KDM4C: variants seen among roughly 807,000 people sequenced by gnomAD.
The protein encoded by KDM4C is lysine demethylase 4C.
Under a neutral mutation model 129.3 loss-of-function variants are expected in KDM4C, and 81 were observed. The observed-to-expected ratio is 0.63, with a 90% CI of 0.52 to 0.75. The LOEUF is 0.75. Ranked by LOEUF, KDM4C falls within the 30% of genes least tolerant of loss-of-function variation. The probability of loss-of-function intolerance (pLI) is 0.00; values close to 1 mark genes in which losing one functional copy is unlikely to be tolerated. For missense variants in KDM4C, 1,457 were observed against 1,304.0 expected, an observed-to-expected ratio of 1.12 and a Z score of -1.81; for synonymous variants, 573 against 456.1, an observed-to-expected ratio of 1.26 and a Z score of -3.26.
chr9:7,091,881 T>G (rs1835845541), intron 17 of KDM4C, among the ~76,000 whole-genome samples: 1 of 152,218 alleles, frequency 6.6e-6, no homozygotes, highest in Admixed American at 6.5e-5. Context: ...GAAGAGTTGG[T>G]GATGCTTGTC....
intron 8 of KDM4C, among the ~76,000 whole-genome samples, chr9:6,944,519 G>C (rs1004365394): frequency 6.6e-6 from 1 of 152,120 alleles, no homozygotes; most frequent in Non-Finnish European, 1.5e-5. Flanking sequence ...GAAAACTGCT[G>C]TGTATTTTGG....
chr9:7,103,796 G>T lies in KDM4C; in HGVS notation c.2536G>T (p.Val846Leu), dbSNP rs754390647. The change falls in exon 18 of 22, where the codon GTA becomes TTA. Residue 846 changes from valine to leucine, a missense_variant. Physicochemically the swap from Val to Leu is conservative, Grantham distance 32. Transcript: ENST00000381309. ...FHVTCAHAAGVLMEPDDWPYV... is the reference protein window; with the variant it reads ...FHVTCAHAAGLLMEPDDWPYV... ...TGTCACTTGTGCCCATGCTGCTGGG[G>T]TACTGATGGAGCCTGATGACTGGCC... 6.2e-7 allele frequency: 1 copy of T among 1,613,980 alleles called. No homozygotes were observed. Among genetic ancestry groups the T allele is most frequent in the Non-Finnish European group, 8.5e-7 (1 of 1,179,920 alleles).
At position 6,950,077 on chromosome 9, in the gene KDM4C, G is replaced by GTTT. The variant is rs34684815; in HGVS notation, c.922-30839_922-30837dup. Among the ~76,000 whole-genome samples the GTTT allele has an allele frequency of 1.5e-3, 193 of 131,268 alleles. 4 individuals carry two copies. Among genetic ancestry groups the GTTT allele is most frequent in the African/African-American group, 5.1e-3 (177 of 35,038 alleles). 86.1% of individuals were successfully genotyped at this position (131,268 alleles called of 152,430 possible). On this transcript the variant is annotated intron_variant, in intron 8 of 21. Transcript: ENST00000381309. The stretch of plus-strand genomic sequence containing the variant: ...TTTTTTTGGTGGAGTATCTTTTCTT[G>GTTT]TTTTTTTTTTTCCTCAAGCTTTATT...
At chr9:6,830,232 A>G (rs1834587016) in intron 4 of KDM4C, among the ~76,000 whole-genome samples, 1 of 152,242 alleles carries the variant, frequency 6.6e-6, no homozygotes, top group South Asian at 2.1e-4. Flanking sequence ...AACCAGGATA[A>G]CCGTGTATAG....
At chr9:7,159,375 T>G (rs888594364) in intron 19 of KDM4C, among the ~76,000 whole-genome samples, 1 of 152,230 alleles carries the variant, frequency 6.6e-6, no homozygotes, top group African/African-American at 2.4e-5. Flanking sequence ...CCTGTCATTA[T>G]GTTGTTAGCT....
rs189953536 is a variant in KDM4C, at chr9:6,929,901, C to T, written c.921+36669C>T. The stretch of plus-strand genomic sequence containing the variant: ...TTCTACAACCCTCTGCCAATTCTTT[C>T]TTTTATGGCTCATAAGAAGTCTCAT... On this transcript the variant is annotated intron_variant, in intron 8 of 21. Transcript: ENST00000381309. Among the ~76,000 whole-genome samples the T allele has an allele frequency of 2.8e-3, 421 of 152,230 alleles. 6 individuals carry two copies. Among genetic ancestry groups the T allele is most frequent in the African/African-American group, 9.9e-3 (413 of 41,518 alleles).
chr9:6,897,996 C>T (rs753543200), intron 8 of KDM4C, among the ~76,000 whole-genome samples: 180 of 152,216 alleles, frequency 1.2e-3, no homozygotes, highest in Middle Eastern at 0.01. Context: ...CAGCTGCTGC[C>T]GTGACACTCA....
At chr9:7,042,806 A>G (rs1828813839) in intron 15 of KDM4C, among the ~76,000 whole-genome samples, 1 of 152,052 alleles carries the variant, frequency 6.6e-6, no homozygotes, top group Non-Finnish European at 1.5e-5. Context: ...TTAGGCAGAC[A>G]TAAGTTTGAA....
chr9:6,854,539 A>AAAC lies in KDM4C; in HGVS notation c.629+4841_629+4842insCAA, dbSNP rs1554720192. Among the ~76,000 whole-genome samples, 48 of 145,962 alleles carry AAAC rather than the reference A, an allele frequency of 3.3e-4. 1 individual carries two copies. Among genetic ancestry groups the AAAC allele is most frequent in the Admixed American group, 7.4e-4 (11 of 14,902 alleles). On this transcript the variant is annotated intron_variant, in intron 5 of 21. Coordinates refer to ENST00000381309, the MANE Select transcript of KDM4C (RefSeq NM_015061.6). ...AAACTCCGTCTCAAAAAAAAAAAAA[A>AAAC]AAAAAACAAAAAAAAAACTAACTTT...
At chr9:7,132,834 C>CT (rs1840792516) in intron 19 of KDM4C, among the ~76,000 whole-genome samples, 1 of 152,180 alleles carries the variant, frequency 6.6e-6, no homozygotes, top group Admixed American at 6.5e-5. Context: ...ACGGTGGACA[C>CT]TTGAGTTCTC....
chr9:7,014,915 AACAC>A (rs55864882), intron 14 of KDM4C, among the ~76,000 whole-genome samples: 27,020 of 146,116 alleles, frequency 0.18, 2,427 homozygotes, highest in Middle Eastern at 0.23. Flanking sequence ...GGCAATTTGT[AACAC>A]ACACACACAC....
chr9:6,867,020 T>A (rs1396974812), intron 5 of KDM4C, among the ~76,000 whole-genome samples: 81 of 36,668 alleles, frequency 2.2e-3, no homozygotes, highest in African/African-American at 5.1e-3. Context: ...TATATATATT[T>A]TTTTTTTTTT....
intron 1 of KDM4C, among the ~76,000 whole-genome samples, chr9:6,789,148 G>C (rs1309610252): frequency 6.6e-6 from 1 of 151,382 alleles, no homozygotes; most frequent in Non-Finnish European, 1.5e-5. Context: ...CCCCCGGGGT[G>C]GTAAAGCAGT....
At chr9:6,905,604 G>T (rs1236656956) in intron 8 of KDM4C, among the ~76,000 whole-genome samples, 1 of 152,168 alleles carries the variant, frequency 6.6e-6, no homozygotes, top group Non-Finnish European at 1.5e-5. Flanking sequence ...GAGAAAGCAT[G>T]ACCAAGACTT....
intron 5 of KDM4C, among the ~76,000 whole-genome samples, chr9:6,872,766 T>G (rs1842968751): frequency 6.6e-6 from 1 of 152,222 alleles, no homozygotes; most frequent in Non-Finnish European, 1.5e-5. Context: ...TGTGGGTCTT[T>G]GCACGTGAGA....
At chr9:6,973,421 G>A (rs1832342902) in intron 8 of KDM4C, among the ~76,000 whole-genome samples, 1 of 152,138 alleles carries the variant, frequency 6.6e-6, no homozygotes, top group Admixed American at 6.5e-5. Flanking sequence ...CTTTCTTTAG[G>A]TATTTTCCCA....
chr9:6,890,765 T>C (rs1846006668), intron 7 of KDM4C, among the ~76,000 whole-genome samples: 1 of 152,100 alleles, frequency 6.6e-6, no homozygotes, highest in Admixed American at 6.5e-5. Flanking sequence ...CTCACCTTTA[T>C]GTGGGAGCAG....
chr9:7,134,196 GGTTCT>G (rs1840948230), intron 19 of KDM4C, among the ~76,000 whole-genome samples: 1 of 152,104 alleles, frequency 6.6e-6, no homozygotes, highest in Admixed American at 6.6e-5. Flanking sequence ...CACTCTTTAG[GGTTCT>G]CTCGCTTTTC....
intron 17 of KDM4C, among the ~76,000 whole-genome samples, chr9:7,091,350 C>T (rs1835777390): frequency 6.6e-6 from 1 of 151,960 alleles, no homozygotes; most frequent in Non-Finnish European, 1.5e-5. Context: ...GCAAACTTCA[C>T]ACAAGTCTAG....
Sources: gnomAD v4.1 joint callset for allele counts (sites outside exome capture counted in the v4.1 genomes callset) on GRCh38, gnomAD v4.1.1 for gene constraint, MANE v1.5 for transcripts, NCBI Gene and HGNC (gene_info 2026-07-23, HGNC 2026-07-21) for gene names.